The following SUCLG2 variants were observed in gnomAD, a reference collection of about 807,000 sequenced individuals.
SUCLG2 encodes succinate--CoA ligase [GDP-forming] subunit beta, mitochondrial.
Under a neutral mutation model 47.9 loss-of-function variants are expected in SUCLG2, and 42 were observed. That is an observed-to-expected ratio of 0.88 (90% CI 0.69 to 1.14). The LOEUF (loss-of-function observed/expected upper bound fraction) is 1.14. Among genes scored for constraint, SUCLG2 ranks in the 50% most tolerant of loss-of-function variants. The probability of loss-of-function intolerance (pLI) is 0.00; values close to 1 mark genes in which losing one functional copy is unlikely to be tolerated. For missense variants in SUCLG2, 571 were observed against 525.9 expected (o/e 1.09, Z -0.84); for synonymous variants, 195 against 197.3 (o/e 0.99, Z 0.10).
chr3:67,636,614 A>G (rs965648150), intron 1 of SUCLG2, among the ~76,000 whole-genome samples: 2 of 151,964 alleles, frequency 1.3e-5, no homozygotes, highest in Admixed American at 6.5e-5. Context: ...GGCCTCCCAA[A>G]GTGCTGGGAT....
At chr3:67,531,764 GT>G (rs1487774347) in intron 2 of SUCLG2, among the ~76,000 whole-genome samples, 89 of 152,190 alleles carry the variant, frequency 5.8e-4, no homozygotes, top group Non-Finnish European at 8.8e-5. Context: ...AGTAAAGCAA[GT>G]TTTTCTCATC....
chr3:67,528,938 G>T, intron 3 of SUCLG2, 149 bp downstream of exon 3: 1 of 556,432 alleles, frequency 1.8e-6, no homozygotes, highest in Non-Finnish European at 3.1e-6. Flanking sequence ...GGCACTGCCA[G>T]AGCCCTCTAC....
At position 67,568,890 on chromosome 3, in the gene SUCLG2, A is replaced by AAAAAT. The variant is rs780402775; in HGVS notation, c.227-39709_227-39705dup. ...CGACAGAGCGAGACTCCGTCTCAAA[A>AAAAAT]AAAATAAAATAAAATAAAATAAAGA... On this transcript the variant is annotated intron_variant, in intron 2 of 10. Transcript: ENST00000307227. 1.2e-4 allele frequency among the ~76,000 whole-genome samples: 19 copies of AAAAAT among 152,354 alleles called. No homozygotes were observed. The East Asian group carries it at 1.9e-3, about 15-fold the overall frequency.
At chr3:67,498,029 A>C in intron 8 of SUCLG2, 105 bp downstream of exon 8, 1 of 1,251,138 alleles carries the variant, frequency 8.0e-7, no homozygotes, top group Non-Finnish European at 1.1e-6. Flanking sequence ...GCTACAAAAA[A>C]ACTTATGTGC....
intron 9 of SUCLG2, among the ~76,000 whole-genome samples, chr3:67,481,207 A>G (rs1198517504): frequency 6.6e-6 from 1 of 152,254 alleles, no homozygotes; most frequent in African/African-American, 2.4e-5. Context: ...GTAATTAGCA[A>G]TACAAGTTTC....
intron 2 of SUCLG2, 30 bp from the exon 3 acceptor site, chr3:67,529,216 T>G (rs776000214): frequency 6.4e-7 from 1 of 1,557,626 alleles, no homozygotes; most frequent in African/African-American, 1.4e-5. Context: ...AGTTGGTAGC[T>G]GATTTTAAAT....
chr3:67,619,299 G>A (rs1700688779), intron 1 of SUCLG2, among the ~76,000 whole-genome samples: 1 of 152,184 alleles, frequency 6.6e-6, no homozygotes, highest in Non-Finnish European at 1.5e-5. Context: ...ACCAGCAGAA[G>A]CTCATTTTAC....
At chr3:67,486,531 C>T (rs1705059620) in intron 9 of SUCLG2, among the ~76,000 whole-genome samples, 1 of 152,120 alleles carries the variant, frequency 6.6e-6, no homozygotes, top group Admixed American at 6.5e-5. Flanking sequence ...AGATCAATTC[C>T]TAACTTTGTT....
chr3:67,448,173 A>T (rs911726036), intron 9 of SUCLG2, among the ~76,000 whole-genome samples: 43 of 152,192 alleles, frequency 2.8e-4, no homozygotes, highest in Non-Finnish European at 4.9e-4. Context: ...TCCCCAAAAA[A>T]CTATGAATAA....
At chr3:67,541,381 A>G (rs1338180831) in intron 2 of SUCLG2, among the ~76,000 whole-genome samples, 1 of 152,186 alleles carries the variant, frequency 6.6e-6, no homozygotes, top group Non-Finnish European at 1.5e-5. Flanking sequence ...ATGGAGCTGA[A>G]GGATACACAA....
intron 9 of SUCLG2, among the ~76,000 whole-genome samples, chr3:67,486,539 G>A (rs1705059665): frequency 6.6e-6 from 1 of 152,062 alleles, no homozygotes; most frequent in Non-Finnish European, 1.5e-5. Flanking sequence ...TCCTAACTTT[G>A]TTTTAAGTAT....
intron 10 of SUCLG2, among the ~76,000 whole-genome samples, chr3:67,397,829 T>C (rs1702583496): frequency 6.6e-6 from 1 of 151,928 alleles, no homozygotes; most frequent in Non-Finnish European, 1.5e-5. Context: ...GAGATATAGA[T>C]CAATGCAACA....
intron 10 of SUCLG2, chr3:67,376,590 G>A (rs978026929): frequency 8.9e-6 from 7 of 786,684 alleles, no homozygotes; most frequent in African/African-American, 1.9e-5. Flanking sequence ...TAGTTGGCAA[G>A]ACAGAGCCTA....
intron 10 of SUCLG2, among the ~76,000 whole-genome samples, chr3:67,377,284 C>T (rs1339211004): frequency 6.6e-6 from 1 of 152,202 alleles, no homozygotes; most frequent in Non-Finnish European, 1.5e-5. Context: ...TGCTTACCTA[C>T]TTGAAAAATG....
chr3:67,449,364 C>T (rs1703999712), intron 9 of SUCLG2, among the ~76,000 whole-genome samples: 1 of 152,132 alleles, frequency 6.6e-6, no homozygotes, highest in Non-Finnish European at 1.5e-5. Context: ...GTCACTGTCA[C>T]ATATTGAAGT....
chr3:67,463,416 A>G (rs1056058955), intron 9 of SUCLG2, among the ~76,000 whole-genome samples: 1 of 152,224 alleles, frequency 6.6e-6, no homozygotes, highest in African/African-American at 2.4e-5. Flanking sequence ...AGTGTTAATA[A>G]TATCTGTACA....
intron 9 of SUCLG2, among the ~76,000 whole-genome samples, chr3:67,481,044 C>T (rs1034422726): frequency 3.3e-5 from 5 of 152,026 alleles, no homozygotes; most frequent in Admixed American, 2.6e-4. Flanking sequence ...ACAAACATAT[C>T]ATCTACACTC....
chr3:67,609,288 T>G (rs1700484670), intron 2 of SUCLG2, among the ~76,000 whole-genome samples, 167 bp downstream of exon 2: 2 of 151,954 alleles, frequency 1.3e-5, no homozygotes, highest in Admixed American at 1.3e-4. Context: ...CTTACACACA[T>G]GTACATGAGG....
At chr3:67,511,833 G>C (rs544316232) in intron 6 of SUCLG2, among the ~76,000 whole-genome samples, 1 of 145,052 alleles carries the variant, frequency 6.9e-6, no homozygotes, top group Admixed American at 6.7e-5. Context: ...TAGGAAGAGT[G>C]TGAGTGTGCG....
Sources: gnomAD v4.1 joint callset for allele counts (sites outside exome capture counted in the v4.1 genomes callset) on GRCh38, gnomAD v4.1.1 for gene constraint, MANE v1.5 for transcripts, NCBI Gene and HGNC (gene_info 2026-07-23, HGNC 2026-07-21) for gene names.